Variants in MROH2B observed in about 807,000 individuals in gnomAD.
MROH2B encodes maestro heat-like repeat-containing protein family member 2B.
Under a neutral mutation model 208.6 loss-of-function variants are expected in MROH2B, and 177 were observed. That is an observed-to-expected ratio of 0.85 (90% confidence interval 0.75 to 0.96). MROH2B has a LOEUF of 0.96. Among genes scored for constraint, MROH2B ranks in the 40% least tolerant of loss-of-function variants. The pLI, the probability that MROH2B is intolerant of heterozygous loss-of-function variation, is 0.00. For synonymous variants in MROH2B, 728 were observed against 659.0 expected (o/e 1.10, Z -1.60); for missense variants, 2,002 against 1,878.7 (o/e 1.07, Z -1.21).
intron 40 of MROH2B, among the ~76,000 whole-genome samples, 165 bp downstream of exon 40, chr5:40,999,512 C>T (rs768992841): frequency 2.5e-4 from 38 of 152,246 alleles, no homozygotes; most frequent in Admixed American, 2.6e-4. Flanking sequence ...AAGCAGGTTT[C>T]TTTGAGGGAG....
intron 24 of MROH2B, among the ~76,000 whole-genome samples, chr5:41,031,837 G>C (rs1742581440): frequency 6.6e-6 from 1 of 151,946 alleles, no homozygotes. Flanking sequence ...GTGGTATTTG[G>C]TTTTCCTGCA....
chr5:41,060,638 C>T (rs1167473675), intron 6 of MROH2B, among the ~76,000 whole-genome samples: 1 of 152,180 alleles, frequency 6.6e-6, no homozygotes, highest in Admixed American at 6.5e-5. Context: ...TGTCGCAGCT[C>T]ACCAGGGCAG....
chr5:41,044,368 T>TGACCTAAATA, intron 18 of MROH2B, among the ~76,000 whole-genome samples: 1 of 152,322 alleles, frequency 6.6e-6, no homozygotes, highest in East Asian at 1.9e-4. Flanking sequence ...TATAAAATTG[T>TGACCTAAATA]GACCTAAATA....
rs1304317242 is a variant in MROH2B at position 41,057,272 on chromosome 5, T to C, written c.845A>G (p.Gln282Arg). 6.2e-7 allele frequency: 1 copy of C among 1,602,586 alleles called. No individual in the cohort carries two copies. The highest frequency in any genetic ancestry group is 1.7e-5 in the Admixed American group (1 of 57,748). ...TTGACAGCATGGTCTTCTTACCTGC[T>C]GGAGTAAATTGATAAAGATGGATCT... ...LRRSIFINLL[Q>R]QICRAPEPPV... Residue 282 changes from glutamine (Q) to arginine (R), a missense_variant, in exon 8 of 42, where the codon CAG (glutamine) becomes CGG (arginine). Coordinates refer to ENST00000399564, the MANE Select transcript of MROH2B (RefSeq NM_173489.5).
chr5:41,023,165 A>G (rs1407102031), intron 24 of MROH2B, among the ~76,000 whole-genome samples: 3 of 152,244 alleles, frequency 2.0e-5, no homozygotes, highest in Admixed American at 2.0e-4. Context: ...GCAGCTCCTC[A>G]CAAGCAATGG....
chr5:41,057,996 C>A, intron 7 of MROH2B, 67 bp downstream of exon 7: 1 of 1,392,786 alleles, frequency 7.2e-7, no homozygotes, highest in Non-Finnish European at 9.4e-7. Context: ...TCTTTTGAGA[C>A]TTAAAAGCCT....
Position 41,011,969 on chromosome 5 carries a change from A to G in MROH2B, c.3135+614T>C, listed in dbSNP as rs537706004. Among the ~76,000 whole-genome samples, 6 of 152,248 alleles carry G rather than the reference A, an allele frequency of 3.9e-5. No individual in the cohort carries two copies. The South Asian group carries it at 6.2e-4, about 16-fold the overall frequency. On this transcript the variant is annotated intron_variant, in intron 30 of 41. Coordinates refer to ENST00000399564, the MANE Select transcript of MROH2B (RefSeq NM_173489.5). ...AGGTGTGAACCACCACATCCAGCCC[A>G]TTTTTTCCTTCTTATTAATGTTTGA... is the stretch of plus-strand genomic sequence containing the variant.
chr5:41,023,143 CT>C (rs1325162179), intron 24 of MROH2B, among the ~76,000 whole-genome samples: 1 of 152,192 alleles, frequency 6.6e-6, no homozygotes, highest in Non-Finnish European at 1.5e-5. Context: ...CGCTCTCCCC[CT>C]CCAAAGGAAA....
At chr5:41,019,885 TGA>T (rs1464319992) in intron 24 of MROH2B, among the ~76,000 whole-genome samples, 8 of 152,202 alleles carry the variant, frequency 5.3e-5, no homozygotes. Context: ...AAAAAAATTT[TGA>T]GAGATGTTCA....
intron 34 of MROH2B, among the ~76,000 whole-genome samples, chr5:41,006,838 AG>A (rs143039790): frequency 0.016 from 2,471 of 152,222 alleles, 56 homozygotes; most frequent in East Asian, 0.12. Flanking sequence ...TTTGGGGGAA[AG>A]GGCAGGAATG....
chr5:41,049,862 A>G (rs893005242), intron 13 of MROH2B, among the ~76,000 whole-genome samples: 5 of 152,150 alleles, frequency 3.3e-5, no homozygotes, highest in African/African-American at 4.8e-5. Flanking sequence ...AGGATAGTGA[A>G]TGGGCTGCTG....
At chr5:41,031,862 T>C (rs1017725460) in intron 24 of MROH2B, among the ~76,000 whole-genome samples, 1 of 152,098 alleles carries the variant, frequency 6.6e-6, no homozygotes, top group African/African-American at 2.4e-5. Context: ...TCTGCTTAGG[T>C]TTATGGCTTC....
chr5:41,066,922 C>G (rs1404151335), intron 3 of MROH2B, among the ~76,000 whole-genome samples, 186 bp downstream of exon 3: 3 of 152,150 alleles, frequency 2.0e-5, no homozygotes, highest in African/African-American at 7.2e-5. Context: ...TCATTCTTAT[C>G]TTTGCCTCAG....
intron 24 of MROH2B, among the ~76,000 whole-genome samples, chr5:41,019,406 G>C (rs999159919): frequency 5.3e-5 from 8 of 152,112 alleles, no homozygotes; most frequent in African/African-American, 1.9e-4. Flanking sequence ...TCCTCAACTA[G>C]ATTGTAAGTC....
intron 13 of MROH2B, among the ~76,000 whole-genome samples, chr5:41,050,162 T>C (rs1743243843): frequency 2.0e-5 from 3 of 152,232 alleles, no homozygotes; most frequent in African/African-American, 7.2e-5. Context: ...GCTCTTAGTC[T>C]ACTCATGTGT....
At chr5:41,048,083 C>T (rs563711089) in intron 16 of MROH2B, 38 of 472,236 alleles carry the variant, frequency 8.0e-5, no homozygotes, top group African/African-American at 2.6e-4. Context: ...AAGAAAAAGA[C>T]GAGAGCAAAA....
intron 5 of MROH2B, among the ~76,000 whole-genome samples, chr5:41,062,278 G>C (rs746347938): frequency 6.6e-6 from 1 of 152,088 alleles, no homozygotes; most frequent in Non-Finnish European, 1.5e-5. Flanking sequence ...AAAAATGGGC[G>C]ATAACTCCAC....
intron 18 of MROH2B, 92 bp downstream of exon 18, chr5:41,045,654 C>G: frequency 1.1e-6 from 1 of 877,350 alleles, no homozygotes; most frequent in Non-Finnish European, 1.8e-6. Flanking sequence ...GTTCCTCCCT[C>G]CCTTTGATTG....
chr5:41,019,496 G>A (rs1579917164), intron 24 of MROH2B, among the ~76,000 whole-genome samples: 2 of 152,278 alleles, frequency 1.3e-5, no homozygotes, highest in African/African-American at 2.4e-5. Context: ...TCTTATGAAT[G>A]CACAAGTGAA....
Sources: allele counts gnomAD v4.1 joint callset (sites outside exome capture counted in the v4.1 genomes callset), GRCh38; gene constraint gnomAD v4.1.1; transcripts MANE v1.5; gene names NCBI Gene and HGNC (gene_info 2026-07-23, HGNC 2026-07-21).